The following CRISPLD2 variants were observed in gnomAD, a reference collection of about 807,000 sequenced individuals.
CRISPLD2 encodes cysteine-rich secretory protein LCCL domain-containing 2.
Under a neutral mutation model 71.1 loss-of-function variants are expected in CRISPLD2, and 47 were observed. The ratio of observed to expected loss-of-function variants is 0.66; its 90% confidence interval spans 0.52 to 0.84. CRISPLD2 has a LOEUF of 0.84. Among genes scored for constraint, CRISPLD2 ranks in the 40% least tolerant of loss-of-function variants. CRISPLD2 has a pLI of 0.00. For synonymous variants in CRISPLD2, 317 were observed against 250.1 expected (o/e 1.27, Z -2.52); for missense variants, 830 against 651.1 (o/e 1.27, Z -2.99).
At chr16:84,876,889 T>C (rs901850020) in intron 11 of CRISPLD2, among the ~76,000 whole-genome samples, 9 of 152,220 alleles carry the variant, frequency 5.9e-5, no homozygotes, top group Non-Finnish European at 1.0e-4. Flanking sequence ...ACTGTTTCCT[T>C]ACCTGTGTTG....
At chr16:84,834,696 G>C (rs57089539) in intron 1 of CRISPLD2, among the ~76,000 whole-genome samples, 1 of 152,324 alleles carries the variant, frequency 6.6e-6, no homozygotes, top group East Asian at 1.9e-4. Flanking sequence ...TAGGAATTTA[G>C]ATTCCCACAG....
At chr16:84,877,207 G>A (rs925441459) in intron 11 of CRISPLD2, among the ~76,000 whole-genome samples, 1 of 152,174 alleles carries the variant, frequency 6.6e-6, no homozygotes, top group East Asian at 1.9e-4. Flanking sequence ...AGAAACCACT[G>A]GGGGTGACAA....
At chr16:84,832,034 C>T (rs954300033) in intron 1 of CRISPLD2, among the ~76,000 whole-genome samples, 7 of 152,354 alleles carry the variant, frequency 4.6e-5, no homozygotes, top group East Asian at 1.9e-4. Flanking sequence ...CATGTCCAGC[C>T]GGATTTTTAA....
At chr16:84,861,192 T>C (rs2143251189) in intron 6 of CRISPLD2, among the ~76,000 whole-genome samples, 1 of 152,270 alleles carries the variant, frequency 6.6e-6, no homozygotes, top group South Asian at 2.1e-4. Flanking sequence ...GATCTAATCA[T>C]ATTAAGCAGC....
intron 14 of CRISPLD2, among the ~76,000 whole-genome samples, chr16:84,901,252 T>G (rs903640830): frequency 6.6e-6 from 1 of 152,048 alleles, no homozygotes; most frequent in Non-Finnish European, 1.5e-5. Context: ...ATAATATTTG[T>G]GTTGAAAAAA....
At chr16:84,884,051 G>A (rs1472359204) in intron 13 of CRISPLD2, among the ~76,000 whole-genome samples, 1 of 152,000 alleles carries the variant, frequency 6.6e-6, no homozygotes, top group East Asian at 1.9e-4. Flanking sequence ...CTCCATGTTG[G>A]CCAGGTTGGT....
intron 6 of CRISPLD2, among the ~76,000 whole-genome samples, chr16:84,861,702 C>A (rs1471334793): frequency 6.6e-6 from 1 of 152,124 alleles, no homozygotes; most frequent in Non-Finnish European, 1.5e-5. Context: ...TCAGTATTAA[C>A]CATCACAGGC....
chr16:84,853,317 G>C (rs1917140780), intron 5 of CRISPLD2, among the ~76,000 whole-genome samples: 1 of 152,200 alleles, frequency 6.6e-6, no homozygotes, highest in Admixed American at 6.5e-5. Flanking sequence ...TCGGTCCCTT[G>C]GTGATGTTCT....
At chr16:84,840,830 C>T (rs1916750438) in intron 2 of CRISPLD2, among the ~76,000 whole-genome samples, 4 of 152,210 alleles carry the variant, frequency 2.6e-5, no homozygotes, top group Admixed American at 6.5e-5. Context: ...GCATGAACCA[C>T]CGTGCCCGGC....
At chr16:84,872,738 A>C (rs1449909301) in intron 9 of CRISPLD2, among the ~76,000 whole-genome samples, 3 of 152,130 alleles carry the variant, frequency 2.0e-5, no homozygotes, top group South Asian at 2.1e-4. Context: ...GCATTCACAC[A>C]CTGGACCGAG....
intron 2 of CRISPLD2, 99 bp downstream of exon 2, chr16:84,838,834 G>A (rs560555730): frequency 1.5e-5 from 21 of 1,428,460 alleles, no homozygotes; most frequent in Admixed American, 3.9e-5. Context: ...CAGCCAGTGC[G>A]TGTGATGGCT....
intron 2 of CRISPLD2, among the ~76,000 whole-genome samples, chr16:84,841,784 C>A (rs1055235145): frequency 5.9e-5 from 9 of 152,052 alleles, no homozygotes; most frequent in African/African-American, 2.2e-4. Flanking sequence ...TTAGTAGAGA[C>A]GGTGTTTGCC....
chr16:84,886,837 T>G (rs529441783), intron 13 of CRISPLD2, among the ~76,000 whole-genome samples: 1 of 152,266 alleles, frequency 6.6e-6, no homozygotes, highest in Non-Finnish European at 1.5e-5. Flanking sequence ...TACATAACAT[T>G]AAACTTACCC....
At chr16:84,886,684 G>T (rs78541274) in intron 13 of CRISPLD2, among the ~76,000 whole-genome samples, 1 of 152,114 alleles carries the variant, frequency 6.6e-6, no homozygotes, top group African/African-American at 2.4e-5. Flanking sequence ...TTAGTCAGGC[G>T]TGGTGGCGCA....
At chr16:84,863,160 A>AT (rs1917436069) in intron 6 of CRISPLD2, 1 of 152,182 alleles carries the variant, frequency 6.6e-6, no homozygotes, top group Admixed American at 6.5e-5. Context: ...CCGGAGGCAC[A>AT]TGGCAGGGGT....
chr16:84,854,965 C>T (rs1917196754), intron 6 of CRISPLD2, 136 bp downstream of exon 6: 2 of 691,778 alleles, frequency 2.9e-6, no homozygotes, highest in Admixed American at 2.1e-5. Context: ...TCAGCACATT[C>T]CTCCCGCCTC....
intron 14 of CRISPLD2, among the ~76,000 whole-genome samples, chr16:84,904,577 C>G (rs915052314): frequency 6.8e-6 from 1 of 147,386 alleles, no homozygotes; most frequent in African/African-American, 2.5e-5. Flanking sequence ...GAGCGAGACT[C>G]GGTCTCAAAA....
chr16:84,883,636 A>G (rs1409496275), intron 13 of CRISPLD2, among the ~76,000 whole-genome samples: 1 of 152,196 alleles, frequency 6.6e-6, no homozygotes. Context: ...GGGTGGATCC[A>G]GAGAATCTGC....
intron 6 of CRISPLD2, among the ~76,000 whole-genome samples, chr16:84,858,950 A>G (rs1270701462): frequency 1.3e-5 from 2 of 152,244 alleles, no homozygotes; most frequent in Admixed American, 6.5e-5. Context: ...TCCAAGATCC[A>G]TCTATCTTCT....
Sources: allele counts gnomAD v4.1 joint callset (sites outside exome capture counted in the v4.1 genomes callset), GRCh38; gene constraint gnomAD v4.1.1; transcripts MANE v1.5; gene names NCBI Gene and HGNC (gene_info 2026-07-23, HGNC 2026-07-21).